USP34: variants seen among roughly 807,000 people sequenced by gnomAD.
USP34 encodes ubiquitin carboxyl-terminal hydrolase 34.
A neutral mutation model predicts 460.3 loss-of-function variants in USP34; 70 were observed. The ratio of observed to expected loss-of-function variants is 0.15; its 90% confidence interval spans 0.13 to 0.19. The LOEUF (loss-of-function observed/expected upper bound fraction) is 0.19. USP34 is among the 10% of genes least tolerant of loss of function. The probability of loss-of-function intolerance (pLI) is 1.00; values close to 1 mark genes in which losing one functional copy is unlikely to be tolerated. For missense variants in USP34, 3,985 were observed against 4,236.2 expected, an observed-to-expected ratio of 0.94 and a Z score of 1.65; for synonymous variants, 1,647 against 1,405.3, an observed-to-expected ratio of 1.17 and a Z score of -3.85.
intron 15 of USP34, 32 bp downstream of exon 15, chr2:61,347,838 T>C (rs1691818370): frequency 1.9e-6 from 3 of 1,601,264 alleles, no homozygotes; most frequent in Non-Finnish European, 2.6e-6. Flanking sequence ...AAAGGAAATA[T>C]GAACTGAATA....
At position 61,227,144 on chromosome 2, in the gene USP34, T is replaced by C; in HGVS notation, c.7518A>G (p.Glu2506=). Residue 2506 remains glutamate (E), a synonymous_variant, in exon 62 of 80, where the codon GAA becomes GAG. Transcript: ENST00000398571. ...CAAGGGCAGCTGGCCTGTATTTTTCTTCTGCCAGAGAGAGGATATCTTCTT... is the reference window on the plus strand; with the variant it reads ...CAAGGGCAGCTGGCCTGTATTTTTCCTCTGCCAGAGAGAGGATATCTTCTT... The part of the protein sequence containing the change: ...EEEEDILSLA[E]EKYRPAALEK... The C allele has an allele frequency of 6.2e-7, 1 of 1,614,114 alleles. No individual in the cohort carries two copies. Among genetic ancestry groups the C allele is most frequent in the Non-Finnish European group, 8.5e-7 (1 of 1,179,996 alleles).
At chr2:61,373,217 A>G (rs1169407636) in intron 8 of USP34, among the ~76,000 whole-genome samples, 1 of 152,088 alleles carries the variant, frequency 6.6e-6, no homozygotes, top group African/African-American at 2.4e-5. Context: ...GAATCTATAT[A>G]TATATACTAT....
intron 1 of USP34, 105 bp downstream of exon 1, chr2:61,470,545 G>C: frequency 1.4e-6 from 1 of 701,254 alleles, no homozygotes; most frequent in Non-Finnish European, 2.3e-6. Context: ...ACGCCGCCCG[G>C]CCCGGCCGTC....
At chr2:61,204,207 A>G (rs771263159) in intron 74 of USP34, 49 bp downstream of exon 74, 42 of 1,605,494 alleles carry the variant, frequency 2.6e-5, no homozygotes, top group Non-Finnish European at 3.5e-5. Flanking sequence ...AAAAATTTCA[A>G]ATTACTTTGT....
At chr2:61,212,694 C>T (rs971018999) in intron 68 of USP34, among the ~76,000 whole-genome samples, 1 of 152,128 alleles carries the variant, frequency 6.6e-6, no homozygotes, top group Non-Finnish European at 1.5e-5. Context: ...AAAAAACTGA[C>T]TTAAGTACCA....
chr2:61,383,617 C>G (rs796730029), intron 5 of USP34, among the ~76,000 whole-genome samples: 3 of 151,766 alleles, frequency 2.0e-5, no homozygotes, highest in South Asian at 2.1e-4. Flanking sequence ...GCAGGAGAAT[C>G]GCTTGAACCC....
chr2:61,413,291 G>A (rs1694096714), intron 2 of USP34, among the ~76,000 whole-genome samples: 1 of 152,152 alleles, frequency 6.6e-6, no homozygotes, highest in African/African-American at 2.4e-5. Flanking sequence ...ATACTCAGGA[G>A]GCTGAGGCAG....
Position 61,452,068 on chromosome 2 carries a change from G to A in USP34, c.43+18582C>T, listed in dbSNP as rs572244934. On this transcript the variant is annotated intron_variant, in intron 1 of 79. Transcript: ENST00000398571. ...GGGCGCCTGTAGTCCCAGCTACTCG[G>A]GAGGCTGAGGCAGGAGAATGGTGTG... Among the ~76,000 whole-genome samples, 36 of 151,822 alleles carry A rather than the reference G, an allele frequency of 2.4e-4. No individual in the cohort carries two copies. The South Asian group carries it at 6.9e-3, about 29-fold the overall frequency.
intron 43 of USP34, among the ~76,000 whole-genome samples, chr2:61,261,380 A>G (rs1015331205): frequency 1.3e-5 from 2 of 152,258 alleles, no homozygotes; most frequent in Admixed American, 6.5e-5. Flanking sequence ...AAGATATCCT[A>G]AGTGAAATAA....
intron 10 of USP34, among the ~76,000 whole-genome samples, chr2:61,355,953 G>C (rs1455180494): frequency 6.6e-6 from 1 of 152,054 alleles, no homozygotes; most frequent in Non-Finnish European, 1.5e-5. Flanking sequence ...AGCTGGGTTG[G>C]CTATACTAAC....
chr2:61,210,171 T>C (rs918037054), intron 69 of USP34, among the ~76,000 whole-genome samples: 1 of 152,210 alleles, frequency 6.6e-6, no homozygotes, highest in Non-Finnish European at 1.5e-5. Flanking sequence ...ATAAAGTCTA[T>C]AGTAGGGTAC....
intron 18 of USP34, among the ~76,000 whole-genome samples, chr2:61,335,815 T>C (rs1691398692): frequency 1.3e-5 from 2 of 152,162 alleles, no homozygotes; most frequent in African/African-American, 4.8e-5. Context: ...AATAATCCTA[T>C]TATACTGAAT....
At position 61,340,333 on chromosome 2, in the gene USP34, T is replaced by C. The variant is rs368528461; in HGVS notation, c.2501-652A>G. Among the ~76,000 whole-genome samples the C allele has an allele frequency of 2.6e-5, 4 of 152,344 alleles. No homozygotes were observed. The East Asian group carries it at 7.7e-4, about 29-fold the overall frequency. On this transcript the variant is annotated intron_variant, in intron 16 of 79. Coordinates refer to ENST00000398571, the MANE Select transcript of USP34 (RefSeq NM_014709.4). The stretch of plus-strand genomic sequence containing the variant: ...AGTTATAGGACATTTGGATAGTTTC[T>C]AGTTTTACGCTATTATTAACAAAAC...
In USP34 at chr2:61,405,886, T is replaced by A. The variant is rs1693856412; in HGVS notation, c.374A>T (p.Lys125Ile). The A allele has an allele frequency of 1.2e-6, 2 of 1,613,796 alleles. No homozygotes were observed. The highest frequency in any genetic ancestry group is 1.7e-6 in the Non-Finnish European group (2 of 1,179,928). Reference sequence around the variant, plus strand: ...ATTACAAATTCTTGTAGAGTTTGATTTTTTTTCTATTGATTTTTGTCTTTC... The same window carrying A: ...ATTACAAATTCTTGTAGAGTTTGATATTTTTTCTATTGATTTTTGTCTTTC... ...STERQKSIEK[K>I]SNSTRICNLT... Residue 125 changes from lysine (K) to isoleucine (I), a missense_variant, in exon 3 of 80, where the codon AAA becomes ATA. Physicochemically the swap from Lys to Ile is moderately radical, Grantham distance 102. Transcript: ENST00000398571.
In USP34 at chr2:61,188,243, T is replaced by G. The variant is rs188614804; in HGVS notation, c.10500A>C (p.Leu3500Phe). Residue 3500 changes from leucine (L) to phenylalanine (F), a missense_variant, in exon 80 of 80, where the codon TTA becomes TTC. Physicochemically the swap from Leu to Phe is conservative, Grantham distance 22. This residue lies in a region of USP34 where 506 missense variants were observed against 439.0 expected (regional missense o/e 1.15). Transcript: ENST00000398571. ...CTCTGGAATGGCCACAACTGAGAGATAAAGCAACCTCAGGGTCCTGGGAGG... is the reference window on the plus strand; with the variant it reads ...CTCTGGAATGGCCACAACTGAGAGAGAAAGCAACCTCAGGGTCCTGGGAGG... ...ALPSQDPEVA[L>F]SLSCGHSRGL... The G allele has an allele frequency of 3.5e-3, 5,697 of 1,614,122 alleles. 19 individuals are homozygous for G. The highest frequency in any genetic ancestry group is 4.5e-3 in the Non-Finnish European group (5,338 of 1,180,014).
intron 2 of USP34, among the ~76,000 whole-genome samples, chr2:61,413,692 A>C (rs1002235081): frequency 1.3e-4 from 18 of 138,212 alleles, no homozygotes; most frequent in African/African-American, 4.9e-4. Flanking sequence ...TAAAAAAACA[A>C]AAGAGGCCGA....
chr2:61,338,500 G>T (rs539300363), intron 18 of USP34, among the ~76,000 whole-genome samples: 2 of 152,170 alleles, frequency 1.3e-5, no homozygotes, highest in South Asian at 4.1e-4. Flanking sequence ...TTCAATAGGG[G>T]AAAAAAATAT....
chr2:61,454,870 CT>C (rs935894179), intron 1 of USP34, among the ~76,000 whole-genome samples: 6,283 of 36,262 alleles, frequency 0.17, 459 homozygotes, highest in African/African-American at 0.38. Context: ...TTTTTTTTTT[CT>C]TTTTTTTTTT....
chr2:61,319,180 A>T lies in USP34; in HGVS notation c.3161T>A (p.Leu1054Gln). Residue 1054 changes from leucine (L) to glutamine (Q), a missense_variant, in exon 22 of 80, where the codon CTG becomes CAG. Physicochemically the swap from Leu to Gln is moderately radical, Grantham distance 113. Coordinates refer to ENST00000398571, the MANE Select transcript of USP34 (RefSeq NM_014709.4). ...MGMETYKHLF[L>Q]EKMPQLKPET... ...TGAGAGAAATGTAATTACCTTCTCC[A>T]GGAAAAGATGTTTGTAGGTTTCCAT... The T allele has an allele frequency of 6.4e-7, 1 of 1,558,464 alleles. No individual in the cohort carries two copies. Among genetic ancestry groups the T allele is most frequent in the Non-Finnish European group, 8.6e-7 (1 of 1,162,552 alleles).
Sources: allele counts gnomAD v4.1 joint callset (sites outside exome capture counted in the v4.1 genomes callset), GRCh38; gene constraint gnomAD v4.1.1; regional missense constraint gnomAD v4.1.1; transcripts MANE v1.5; gene names NCBI Gene and HGNC (gene_info 2026-07-23, HGNC 2026-07-21).